VPS13B: variants seen among roughly 807,000 people sequenced by gnomAD.
VPS13B encodes the protein vacuolar protein sorting 13 homolog B.
In VPS13B, 285 loss-of-function variants were observed where a neutral mutation model predicts 426.4. That is an observed-to-expected ratio of 0.67 (90% confidence interval 0.61 to 0.74). The LOEUF (loss-of-function observed/expected upper bound fraction) is 0.74. Ranked by LOEUF, VPS13B falls within the 30% of genes least tolerant of loss-of-function variation. The probability of loss-of-function intolerance (pLI) is 0.00; values close to 1 mark genes in which losing one functional copy is unlikely to be tolerated. For missense variants in VPS13B, 4,537 were observed against 4,782.6 expected (o/e 0.95, Z 1.51); for synonymous variants, 1,676 against 1,676.4 (o/e 1.00, Z 0.01).
At chr8:99,653,571 TAAGA>T (rs1376784066) in intron 34 of VPS13B, among the ~76,000 whole-genome samples, 8 of 151,654 alleles carry the variant, frequency 5.3e-5, no homozygotes, top group Non-Finnish European at 7.4e-5. Context: ...CAAATTTTAA[TAAGA>T]AAGAGATCAA....
At chr8:99,653,206 T>C (rs1479584509) in intron 34 of VPS13B, among the ~76,000 whole-genome samples, 1 of 152,188 alleles carries the variant, frequency 6.6e-6, no homozygotes, top group African/African-American at 2.4e-5. Context: ...ATATGAAACA[T>C]TATTCAAACA....
chr8:99,240,507 T>G (rs1713217100), intron 17 of VPS13B, among the ~76,000 whole-genome samples: 1 of 152,210 alleles, frequency 6.6e-6, no homozygotes, highest in South Asian at 2.1e-4. Flanking sequence ...AAAGGGATTA[T>G]AAGTATAGTG....
intron 39 of VPS13B, among the ~76,000 whole-genome samples, chr8:99,722,992 T>A (rs1444326882): frequency 6.6e-6 from 1 of 152,204 alleles, no homozygotes; most frequent in Non-Finnish European, 1.5e-5. Flanking sequence ...TGATGTAAAT[T>A]ATATTAATTA....
At chr8:99,323,750 A>C (rs1472412967) in intron 19 of VPS13B, among the ~76,000 whole-genome samples, 2 of 152,198 alleles carry the variant, frequency 1.3e-5, no homozygotes, top group Non-Finnish European at 2.9e-5. Flanking sequence ...TTCCCCAATA[A>C]GGTTGTTGTT....
intron 17 of VPS13B, among the ~76,000 whole-genome samples, chr8:99,198,126 T>C (rs927318952): frequency 6.6e-6 from 1 of 152,190 alleles, no homozygotes; most frequent in African/African-American, 2.4e-5. Flanking sequence ...TTATTGCCAA[T>C]CTTGTGGCCG....
At chr8:99,514,848 T>C (rs1821972645) in intron 29 of VPS13B, among the ~76,000 whole-genome samples, 1 of 152,128 alleles carries the variant, frequency 6.6e-6, no homozygotes, top group African/African-American at 2.4e-5. Context: ...TGGAATTCTG[T>C]TTTTGAGGAA....
chr8:99,361,737 A>T (rs972833460), intron 19 of VPS13B, among the ~76,000 whole-genome samples: 3 of 152,192 alleles, frequency 2.0e-5, no homozygotes, highest in African/African-American at 7.2e-5. Context: ...TAGTGCTGGA[A>T]CATGATGCCT....
chr8:99,384,317 G>A lies in VPS13B; in HGVS notation c.2934G>A (p.Gln978=), dbSNP rs772161131. ...PQKRTSRHMQ[Q]QPVVAVPLVM... ...AACGAACAAGTAGACATATGCAACA[G>A]GTAAGAGATTTTTAAATAATTTTTT... Residue 978 remains glutamine, a splice_region_variant and synonymous_variant, in exon 20 of 62, where the codon CAG becomes CAA. Transcript: ENST00000357162. 5 of 1,609,392 alleles carry A rather than the reference G, an allele frequency of 3.1e-6. No homozygotes were observed. The East Asian group carries it at 6.7e-5, about 22-fold the overall frequency.
intron 31 of VPS13B, among the ~76,000 whole-genome samples, chr8:99,562,784 A>G (rs1427679235): frequency 6.6e-6 from 1 of 152,128 alleles, no homozygotes; most frequent in Non-Finnish European, 1.5e-5. Context: ...TCATTTACTA[A>G]AGATACTAGT....
chr8:99,363,355 C>T (rs1482290104), intron 19 of VPS13B, among the ~76,000 whole-genome samples: 1 of 152,018 alleles, frequency 6.6e-6, no homozygotes, highest in Non-Finnish European at 1.5e-5. Context: ...TATGCCTGTG[C>T]CATGTTATTT....
At chr8:99,385,876 C>T (rs1379978732) in intron 20 of VPS13B, among the ~76,000 whole-genome samples, 3 of 152,094 alleles carry the variant, frequency 2.0e-5, no homozygotes, top group Non-Finnish European at 2.9e-5. Context: ...AAAGAGACTT[C>T]AGTGATTCCA....
intron 25 of VPS13B, among the ~76,000 whole-genome samples, chr8:99,489,998 G>A (rs1229020739): frequency 2.6e-5 from 4 of 152,272 alleles, no homozygotes; most frequent in African/African-American, 9.6e-5. Context: ...CAAAGGGAAT[G>A]CTTCCAGTTT....
chr8:99,516,546 TG>T (rs1302097685), intron 29 of VPS13B, among the ~76,000 whole-genome samples: 1 of 151,892 alleles, frequency 6.6e-6, no homozygotes, highest in Non-Finnish European at 1.5e-5. Flanking sequence ...ACCAGCACTT[TG>T]GGAGGCCAAA....
chr8:99,696,471 G>A (rs547264021), intron 35 of VPS13B: 74 of 388,666 alleles, frequency 1.9e-4, no homozygotes, highest in African/African-American at 1.4e-3. Context: ...CCGGATCCGC[G>A]CCGACCTCCT....
intron 15 of VPS13B, among the ~76,000 whole-genome samples, chr8:99,164,230 G>T (rs1483371418): frequency 2.6e-5 from 4 of 152,130 alleles, no homozygotes; most frequent in Non-Finnish European, 5.9e-5. Context: ...TGACAAGAAG[G>T]TTAGAAATAC....
intron 22 of VPS13B, among the ~76,000 whole-genome samples, chr8:99,441,363 C>A (rs150096845): frequency 6.6e-6 from 1 of 152,038 alleles, no homozygotes; most frequent in Non-Finnish European, 1.5e-5. Flanking sequence ...TTGCTATTAT[C>A]TTTTAAAAAT....
At chr8:99,158,252 C>T (rs752871752) in intron 15 of VPS13B, among the ~76,000 whole-genome samples, 60 of 152,096 alleles carry the variant, frequency 3.9e-4, no homozygotes, top group Non-Finnish European at 4.3e-4. Flanking sequence ...CTTCAAAAGG[C>T]GGCCGGGCAC....
At chr8:99,727,748 A>G (rs758845975) in intron 39 of VPS13B, among the ~76,000 whole-genome samples, 4 of 152,202 alleles carry the variant, frequency 2.6e-5, no homozygotes, top group Admixed American at 2.0e-4. Flanking sequence ...AGAGCCAAAC[A>G]GTATCAGGTT....
chr8:99,289,890 GAGACTTTCAAGATCATT>G (rs1819638064), intron 19 of VPS13B, among the ~76,000 whole-genome samples: 1 of 152,004 alleles, frequency 6.6e-6, no homozygotes, highest in African/African-American at 2.4e-5. Flanking sequence ...TTTTGAGTGG[GAGACTTTCAAGATCATT>G]TCTAGTCCAG....
Sources: allele counts gnomAD v4.1 joint callset (sites outside exome capture counted in the v4.1 genomes callset), GRCh38; gene constraint gnomAD v4.1.1; transcripts MANE v1.5; gene names NCBI Gene and HGNC (gene_info 2026-07-23, HGNC 2026-07-21).